The following ADAMTS18 variants were observed in gnomAD, a reference collection of about 807,000 sequenced individuals.
The protein encoded by ADAMTS18 is A disintegrin and metalloproteinase with thrombospondin motifs 18.
ADAMTS18 carries 157 observed loss-of-function variants against 165.9 expected under a neutral mutation model. The observed-to-expected ratio is 0.95, with a 90% CI of 0.83 to 1.08. The LOEUF (loss-of-function observed/expected upper bound fraction) is 1.08. Ranked by LOEUF, ADAMTS18 falls within the 50% of genes least tolerant of loss-of-function variation. The probability of loss-of-function intolerance (pLI) is 0.00; values close to 1 mark genes in which losing one functional copy is unlikely to be tolerated. For missense variants in ADAMTS18, 2,040 were observed against 1,534.0 expected (o/e 1.33, Z -5.51); for synonymous variants, 782 against 578.2 (o/e 1.35, Z -5.06).
intron 9 of ADAMTS18, among the ~76,000 whole-genome samples, chr16:77,354,846 G>T (rs995889503): frequency 6.6e-6 from 1 of 152,170 alleles, no homozygotes; most frequent in Non-Finnish European, 1.5e-5. Context: ...AGTTGATCTT[G>T]ATTTTAATAC....
chr16:77,396,974 T>G (rs1396448347), intron 3 of ADAMTS18, among the ~76,000 whole-genome samples: 2 of 151,826 alleles, frequency 1.3e-5, no homozygotes, highest in Non-Finnish European at 2.9e-5. Flanking sequence ...GCCTGGCTAA[T>G]TTTTTTGTAT....
intron 3 of ADAMTS18, among the ~76,000 whole-genome samples, chr16:77,369,248 A>G (rs1162673557): frequency 6.6e-6 from 1 of 152,162 alleles, no homozygotes; most frequent in Non-Finnish European, 1.5e-5. Flanking sequence ...TTCATAGTCT[A>G]AGCTAAAGAT....
At chr16:77,340,471 C>T (rs967800518) in intron 11 of ADAMTS18, among the ~76,000 whole-genome samples, 4 of 152,040 alleles carry the variant, frequency 2.6e-5, no homozygotes, top group Admixed American at 6.6e-5. Flanking sequence ...CACTGTGCCC[C>T]GCCTGGACTG....
chr16:77,373,544 A>G (rs1050220114), intron 3 of ADAMTS18, among the ~76,000 whole-genome samples: 3 of 152,136 alleles, frequency 2.0e-5, no homozygotes, highest in Non-Finnish European at 4.4e-5. Context: ...GATATAATGG[A>G]TTATGAAGAC....
chr16:77,398,897 G>T (rs1390033110), intron 3 of ADAMTS18, among the ~76,000 whole-genome samples: 1 of 152,180 alleles, frequency 6.6e-6, no homozygotes, highest in Non-Finnish European at 1.5e-5. Flanking sequence ...AGATGTTTGG[G>T]TGGGATGAGA....
intron 3 of ADAMTS18, among the ~76,000 whole-genome samples, chr16:77,386,064 AGTG>A (rs1317759488): frequency 1.3e-5 from 2 of 152,210 alleles, no homozygotes; most frequent in Admixed American, 6.5e-5. Flanking sequence ...TTGGTAACTT[AGTG>A]GTTATTCCAC....
chr16:77,291,726 A>G (rs1238848223), intron 20 of ADAMTS18, among the ~76,000 whole-genome samples: 1 of 152,234 alleles, frequency 6.6e-6, no homozygotes, highest in Non-Finnish European at 1.5e-5. Flanking sequence ...AGCCTCATAA[A>G]GTAAAAAAGG....
chr16:77,369,136 T>A (rs2056840945), intron 3 of ADAMTS18, among the ~76,000 whole-genome samples: 1 of 152,256 alleles, frequency 6.6e-6, no homozygotes, highest in African/African-American at 2.4e-5. Flanking sequence ...TGGATCAAAG[T>A]CTATGCTTTA....
chr16:77,316,301 C>T (rs552019667), intron 16 of ADAMTS18, among the ~76,000 whole-genome samples: 153 of 150,938 alleles, frequency 1.0e-3, no homozygotes, highest in Non-Finnish European at 2.0e-3. Flanking sequence ...TGATGCCAGG[C>T]TGGAGTGCAG....
chr16:77,382,810 C>G (rs2057051011), intron 3 of ADAMTS18, among the ~76,000 whole-genome samples: 1 of 152,236 alleles, frequency 6.6e-6, no homozygotes, highest in African/African-American at 2.4e-5. Flanking sequence ...TGGGAACATG[C>G]AGCCAACCTT....
intron 10 of ADAMTS18, among the ~76,000 whole-genome samples, chr16:77,347,036 A>C (rs1179567165): frequency 1.3e-5 from 2 of 152,184 alleles, no homozygotes; most frequent in African/African-American, 4.8e-5. Context: ...TATTCTCTTA[A>C]ATTTCATATA....
At chr16:77,366,055 C>G (rs1336711009) in intron 4 of ADAMTS18, among the ~76,000 whole-genome samples, 4 of 152,150 alleles carry the variant, frequency 2.6e-5, no homozygotes, top group Non-Finnish European at 5.9e-5. Flanking sequence ...GGGGATATTT[C>G]AATAATACCA....
intron 19 of ADAMTS18, among the ~76,000 whole-genome samples, chr16:77,294,665 T>C (rs775709422): frequency 1.1e-4 from 17 of 152,232 alleles, no homozygotes; most frequent in Non-Finnish European, 1.8e-4. Flanking sequence ...TTTCTAGCTG[T>C]GCTCACGAGT....
At chr16:77,378,356 A>C (rs2914510) in intron 3 of ADAMTS18, among the ~76,000 whole-genome samples, 52,824 of 148,514 alleles carry the variant, frequency 0.36, 10,186 homozygotes, top group Non-Finnish European at 0.46. Context: ...AAAACAAAAA[A>C]AAAAAAAACC....
Position 77,335,847 on chromosome 16 carries a change from C to A in ADAMTS18, c.1768G>T (p.Gly590Cys), listed in dbSNP as rs1314087753. 3 of 1,614,028 alleles carry A rather than the reference C, an allele frequency of 1.9e-6. No individual in the cohort carries two copies. The African/African-American group carries it at 4.0e-5, about 22-fold the overall frequency. ...CACTTCGACCAGGCGGACCACTGGC[C>A]GTGGATGGGCCGGGGCCCGAGCTCC... ...FGELGPRPIH[G>C]QWSAWSKWSE... Residue 590 changes from glycine (G) to cysteine (C), a missense_variant, in exon 12 of 23, where the codon GGC (glycine) becomes TGC (cysteine). By Grantham distance (159) the Gly-to-Cys change is radical. Transcript: ENST00000282849.
intron 3 of ADAMTS18, among the ~76,000 whole-genome samples, chr16:77,380,506 C>T (rs1308870927): frequency 6.6e-6 from 1 of 152,164 alleles, no homozygotes; most frequent in Non-Finnish European, 1.5e-5. Flanking sequence ...TGCCCATTCT[C>T]AAAAGAGTAT....
intron 3 of ADAMTS18, among the ~76,000 whole-genome samples, chr16:77,387,664 T>C (rs1207872888): frequency 6.6e-6 from 1 of 152,202 alleles, no homozygotes. Flanking sequence ...CATGATCACA[T>C]TAAGAAAATC....
At chr16:77,314,637 G>A (rs944282546) in intron 16 of ADAMTS18, among the ~76,000 whole-genome samples, 9 of 116,736 alleles carry the variant, frequency 7.7e-5, no homozygotes, top group African/African-American at 3.4e-4. Context: ...GTGTGTGTAT[G>A]TGTGTGTGTG....
intron 13 of ADAMTS18, among the ~76,000 whole-genome samples, chr16:77,324,608 G>C (rs2056061300): frequency 6.6e-6 from 1 of 152,162 alleles, no homozygotes; most frequent in African/African-American, 2.4e-5. Context: ...CATGCACTGA[G>C]AAGAGCTATG....
Sources: allele counts gnomAD v4.1 joint callset (sites outside exome capture counted in the v4.1 genomes callset), GRCh38; gene constraint gnomAD v4.1.1; transcripts MANE v1.5; gene names NCBI Gene and HGNC (gene_info 2026-07-23, HGNC 2026-07-21).